Variants in PIK3R5 observed in about 807,000 individuals in gnomAD.
The protein encoded by PIK3R5 is phosphoinositide-3-kinase regulatory subunit 5, also known as phosphoinositide 3-kinase regulatory subunit 5.
In PIK3R5, 32 loss-of-function variants were observed where a neutral mutation model predicts 94.9. The ratio of observed to expected loss-of-function variants is 0.34; its 90% confidence interval spans 0.25 to 0.45. The LOEUF is 0.45. Ranked by LOEUF, PIK3R5 falls within the 20% of genes least tolerant of loss-of-function variation. The probability of loss-of-function intolerance (pLI) is 1.00; values close to 1 mark genes in which losing one functional copy is unlikely to be tolerated. For missense variants in PIK3R5, 853 were observed against 1,144.6 expected, an observed-to-expected ratio of 0.75 and a Z score of 3.68; for synonymous variants, 443 against 479.4, an observed-to-expected ratio of 0.92 and a Z score of 0.99.
At chr17:8,947,557 T>C (rs2091296457) in intron 1 of PIK3R5, among the ~76,000 whole-genome samples, 2 of 151,890 alleles carry the variant, frequency 1.3e-5, no homozygotes, top group African/African-American at 4.8e-5. Context: ...TCAGAGAGGG[T>C]GGCTTAACAG....
intron 1 of PIK3R5, among the ~76,000 whole-genome samples, chr17:8,960,304 C>T (rs1208245147): frequency 6.6e-6 from 1 of 152,218 alleles, no homozygotes; most frequent in African/African-American, 2.4e-5. Context: ...CAAGTCTCAA[C>T]TCAAATATGA....
Position 8,881,369 on chromosome 17 carries a change from G to A in PIK3R5, c.2382+261C>T, listed in dbSNP as rs1013531431. ...CACCCCACAACTTTTCCACATACAC[G>A]CGTCCTCTCACAGGGCACCCCTACC... On this transcript the variant is annotated intron_variant, in intron 17 of 18. Coordinates refer to ENST00000447110, the MANE Select transcript of PIK3R5 (RefSeq NM_001142633.3). This position sits in a 1 kb window ranked among gnomAD's most constrained non-coding sequence, Gnocchi z 4.8. Among the ~76,000 whole-genome samples the A allele has an allele frequency of 1.3e-5, 2 of 151,698 alleles. No individual in the cohort carries two copies. Among genetic ancestry groups the A allele is most frequent in the Non-Finnish European group, 2.9e-5 (2 of 67,948 alleles).
In PIK3R5 at chr17:8,911,461, G is replaced by C. The variant is rs1467514002; in HGVS notation, c.34C>G (p.Arg12Gly). The C allele has an allele frequency of 6.3e-7, 1 of 1,599,662 alleles. No homozygotes were observed. The highest frequency in any genetic ancestry group is 8.5e-7 in the Non-Finnish European group (1 of 1,179,840). The change falls in exon 2 of 19, where the codon CGC becomes GGC. Residue 12 changes from arginine (R) to glycine (G), a missense_variant. By Grantham distance (125) the Arg-to-Gly change is moderately radical. Coordinates refer to ENST00000447110, the MANE Select transcript of PIK3R5 (RefSeq NM_001142633.3). The surrounding 1 kb of genome is among the most constrained non-coding windows in gnomAD (Gnocchi z 5.3). ...QPGATTCTED[R>G]IQHALERCLH... is the part of the protein sequence containing the mutation. ...CAGCGTTCCAGGGCATGCTGGATGCGGTCCTCCGTGCATGTCGTGGCCCCT... is the reference window on the plus strand; with the variant it reads ...CAGCGTTCCAGGGCATGCTGGATGCCGTCCTCCGTGCATGTCGTGGCCCCT...
rs548350715 is a variant in PIK3R5, at chr17:8,925,542, T to C, written c.-13-14035A>G. 6.6e-6 allele frequency among the ~76,000 whole-genome samples: 1 copy of C among 151,062 alleles called. No individual in the cohort carries two copies. The highest frequency in any genetic ancestry group is 1.5e-5 in the Non-Finnish European group (1 of 68,012). On this transcript the variant is annotated intron_variant, in intron 1 of 18. Transcript: ENST00000447110. The surrounding 1 kb of genome is among the most constrained non-coding windows in gnomAD (Gnocchi z 5.1). Reference sequence around the variant, plus strand: ...GATAGATAGATAGATAGTAGATAGATAGTAGATGGATAGATAGATAGATAG... The same window carrying C: ...GATAGATAGATAGATAGTAGATAGACAGTAGATGGATAGATAGATAGATAG...
intron 5 of PIK3R5, among the ~76,000 whole-genome samples, chr17:8,901,668 AAG>A (rs1204579540): frequency 2.6e-5 from 4 of 152,218 alleles, no homozygotes. Flanking sequence ...ATACATTAGA[AAG>A]AGAGAAAACA....
At chr17:8,918,303 C>A in intron 1 of PIK3R5, among the ~76,000 whole-genome samples, 1 of 152,102 alleles carries the variant, frequency 6.6e-6, no homozygotes, top group Admixed American at 6.5e-5. Flanking sequence ...AAAATAAACC[C>A]AGCACATCTT....
At chr17:8,915,768 G>C (rs117629234) in intron 1 of PIK3R5, 1 of 152,346 alleles carries the variant, frequency 6.6e-6, no homozygotes, top group Non-Finnish European at 1.5e-5. Context: ...TGTAATGGAT[G>C]CAAACACAAG....
At chr17:8,940,970 T>C (rs2091169341) in intron 1 of PIK3R5, among the ~76,000 whole-genome samples, 1 of 152,026 alleles carries the variant, frequency 6.6e-6, no homozygotes. Context: ...GCATCCCCGC[T>C]CCTCTCTCAG....
intron 1 of PIK3R5, among the ~76,000 whole-genome samples, chr17:8,933,926 C>T (rs534143921): frequency 2.6e-5 from 4 of 152,118 alleles, no homozygotes; most frequent in Non-Finnish European, 5.9e-5. Context: ...TTATAAGAAC[C>T]CTCAGTAAGA....
chr17:8,949,290 T>A (rs1329150145), intron 1 of PIK3R5, among the ~76,000 whole-genome samples: 1 of 152,172 alleles, frequency 6.6e-6, no homozygotes, highest in Non-Finnish European at 1.5e-5. Flanking sequence ...ACACATCAGC[T>A]TTTGGATTTG....
Position 8,888,937 on chromosome 17 carries a change from AT to A in PIK3R5, c.896-47del. On this transcript the variant is annotated intron_variant, in intron 9 of 18. Transcript: ENST00000447110. This position sits in a 1 kb window ranked among gnomAD's most constrained non-coding sequence, Gnocchi z 7.8. ...CACTGTCTGGGCGTCTGGGCCCCGG[AT>A]CCCCTTCTATATTCCCTTTGGAGGG... 6.4e-7 allele frequency: 1 copy of A among 1,556,450 alleles called. No individual in the cohort carries two copies. Among genetic ancestry groups the A allele is most frequent in the Non-Finnish European group, 8.7e-7 (1 of 1,155,876 alleles).
rs1427303107 is a variant in PIK3R5 at position 8,957,996 on chromosome 17, T to C, written c.-14+7600A>G. Among the ~76,000 whole-genome samples the C allele has an allele frequency of 3.3e-5, 5 of 151,768 alleles. No individual in the cohort carries two copies. In the East Asian group the frequency reaches 7.8e-4, roughly 24 times the overall value. Reference sequence around the variant, plus strand: ...GCAGCACAGAAAAGGAAAATAGAGGTCAAATTCATTTCATGCAAAAATCCT... The same window carrying C: ...GCAGCACAGAAAAGGAAAATAGAGGCCAAATTCATTTCATGCAAAAATCCT... On this transcript the variant is annotated intron_variant, in intron 1 of 18. Coordinates refer to ENST00000447110, the MANE Select transcript of PIK3R5 (RefSeq NM_001142633.3).
rs1209248571 is a variant in PIK3R5 at position 8,884,329 on chromosome 17, T to G, written c.2205+378A>C. Among the ~76,000 whole-genome samples, 1 of 151,886 alleles carries G rather than the reference T, an allele frequency of 6.6e-6. No individual in the cohort carries two copies. Among genetic ancestry groups the G allele is most frequent in the Non-Finnish European group, 1.5e-5 (1 of 67,958 alleles). On this transcript the variant is annotated intron_variant, in intron 15 of 18. Coordinates refer to ENST00000447110, the MANE Select transcript of PIK3R5 (RefSeq NM_001142633.3). This position sits in a 1 kb window ranked among gnomAD's most constrained non-coding sequence, Gnocchi z 5.8. ...CTCCTTTCTCACGCCAATCCCATCT[T>G]GCATGCAGCCTGCCAGGCACACTGG...
At chr17:8,943,410 T>G (rs990695717) in intron 1 of PIK3R5, among the ~76,000 whole-genome samples, 4 of 152,132 alleles carry the variant, frequency 2.6e-5, no homozygotes, top group African/African-American at 7.2e-5. Context: ...TGAATCATAT[T>G]AAACATGAGA....
intron 3 of PIK3R5, among the ~76,000 whole-genome samples, chr17:8,906,325 A>G (rs953136391): frequency 1.1e-4 from 16 of 152,222 alleles, no homozygotes; most frequent in African/African-American, 3.6e-4. Flanking sequence ...CGTATTTTAC[A>G]TATAGTATTA....
intron 1 of PIK3R5, among the ~76,000 whole-genome samples, chr17:8,927,756 T>A (rs1415322112): frequency 6.6e-6 from 1 of 152,096 alleles, no homozygotes; most frequent in East Asian, 1.9e-4. Context: ...GTGTTGGAGG[T>A]GGTGCCTGGT....
chr17:8,887,052 A>AC, intron 12 of PIK3R5, 44 bp downstream of exon 12: 1 of 1,609,754 alleles, frequency 6.2e-7, no homozygotes, highest in South Asian at 1.1e-5. Context: ...AGGCTGGGTG[A>AC]CTGCAGCCAG....
chr17:8,898,355 G>C (rs913772512), intron 5 of PIK3R5, among the ~76,000 whole-genome samples: 2 of 152,332 alleles, frequency 1.3e-5, no homozygotes, highest in South Asian at 2.1e-4. Context: ...AAAGGGAAAG[G>C]GGCAGGAGAA....
chr17:8,950,542 A>G (rs990238703), intron 1 of PIK3R5, among the ~76,000 whole-genome samples: 13 of 152,160 alleles, frequency 8.5e-5, no homozygotes, highest in African/African-American at 2.2e-4. Flanking sequence ...GAGAGAACAT[A>G]TGGTATTTGG....
Sources: gnomAD v4.1 joint callset for allele counts (sites outside exome capture counted in the v4.1 genomes callset) on GRCh38, gnomAD v4.1.1 for gene constraint, Gnocchi (gnomAD v3.1) non-coding constraint, MANE v1.5 for transcripts, NCBI Gene and HGNC (gene_info 2026-07-23, HGNC 2026-07-21) for gene names.